CACNB1: variants seen among roughly 807,000 people sequenced by gnomAD.
CACNB1 encodes the protein calcium voltage-gated channel auxiliary subunit beta 1.
In CACNB1, 29 loss-of-function variants were observed where a neutral mutation model predicts 71.6. That is an observed-to-expected ratio of 0.40 (90% CI 0.30 to 0.55). The LOEUF is 0.55. Among genes scored for constraint, CACNB1 ranks in the 20% least tolerant of loss-of-function variants. The pLI is 0.38. For synonymous variants in CACNB1, 300 were observed against 319.6 expected (o/e 0.94, Z 0.65); for missense variants, 623 against 801.8 (o/e 0.78, Z 2.69).
At position 39,186,001 on chromosome 17, in the gene CACNB1, G is replaced by A; in HGVS notation, c.628+495C>T. On this transcript the variant is annotated intron_variant, in intron 6 of 13. Transcript: ENST00000394303. This position sits in a 1 kb window ranked among gnomAD's most constrained non-coding sequence, Gnocchi z 4.1. ...CATGGGGTGGCGGGGTGGTGACACT[G>A]CTAACACTAGTCTTGGCAGAGCCAC... The A allele has an allele frequency of 6.2e-7, 1 of 1,613,772 alleles. No homozygotes were observed. The highest frequency in any genetic ancestry group is 8.5e-7 in the Non-Finnish European group (1 of 1,179,940).
chr17:39,188,422 A>C (rs2144150134), intron 3 of CACNB1, among the ~76,000 whole-genome samples: 1 of 152,246 alleles, frequency 6.6e-6, no homozygotes. Context: ...TAAAAATACA[A>C]AAATTAGCTG....
At chr17:39,184,262 T>C in intron 9 of CACNB1, 63 bp downstream of exon 9, 1 of 1,307,118 alleles carries the variant, frequency 7.7e-7, no homozygotes, top group Non-Finnish European at 1.1e-6. Context: ...ATTCGAGGCA[T>C]CCTGCCCATC....
Position 39,184,789 on chromosome 17 carries a change from A to G in CACNB1, c.724T>C (p.Tyr242His). 1 of 1,607,178 alleles carries G rather than the reference A, an allele frequency of 6.2e-7. No homozygotes were observed. Among genetic ancestry groups the G allele is most frequent in the South Asian group, 1.1e-5 (1 of 90,924 alleles). ...TCCCCTCTAGGAAGTCCTACCTCGT[A>G]GCCCTTGAGCGACGGTCCCACCAGG... ...IILVGPSLKG[Y>H]EVTDMMQKAL... Residue 242 changes from tyrosine to histidine, a missense_variant, in exon 8 of 14, where the codon TAC (tyrosine) becomes CAC (histidine). Coordinates refer to ENST00000394303, the MANE Select transcript of CACNB1 (RefSeq NM_000723.5).
At chr17:39,191,957 C>T (rs1421975682) in intron 2 of CACNB1, 1 of 285,824 alleles carries the variant, frequency 3.5e-6, no homozygotes. Flanking sequence ...CCCCAGCACC[C>T]GCTGAGATAG....
chr17:39,182,960 A>T (rs986249153), intron 11 of CACNB1: 9 of 984,388 alleles, frequency 9.1e-6, no homozygotes, highest in Non-Finnish European at 1.1e-5. Flanking sequence ...TTCTAACTTC[A>T]AATCCTCCAC....
intron 6 of CACNB1, among the ~76,000 whole-genome samples, chr17:39,185,794 G>A (rs1347284039): frequency 6.6e-6 from 1 of 152,114 alleles, no homozygotes; most frequent in Non-Finnish European, 1.5e-5. Context: ...TGTGGAGGGG[G>A]ATGTGCCCAT....
At chr17:39,178,343 C>T (rs2045644335) in intron 11 of CACNB1, 2 of 316,048 alleles carry the variant, frequency 6.3e-6, no homozygotes, top group Admixed American at 9.0e-5. Context: ...TTCTCAACTT[C>T]TCTAACATTG....
Position 39,186,533 on chromosome 17 carries a change from C to T in CACNB1, c.591G>A (p.Val197=). ...GDNSSSSLGD[V]VTGTRRPTPP... ...GTGTGGGGCGGCGGGTGCCAGTCAC[C>T]ACATCTCCCAGACTGGAACTGGAGT... The change falls in exon 6 of 14, where the codon GTG becomes GTA. Residue 197 remains valine, a synonymous_variant. Transcript: ENST00000394303. This position sits in a 1 kb window ranked among gnomAD's most constrained non-coding sequence, Gnocchi z 4.1. 6.2e-7 allele frequency: 1 copy of T among 1,613,664 alleles called. No individual in the cohort carries two copies. The highest frequency in any genetic ancestry group is 8.5e-7 in the Non-Finnish European group (1 of 1,179,802).
At chr17:39,184,960 C>A (rs1213429277) in intron 7 of CACNB1, 96 bp from the exon 8 acceptor site, 53 of 1,051,398 alleles carry the variant, frequency 5.0e-5, no homozygotes, top group Non-Finnish European at 7.8e-5. Context: ...CTTCCCCCAC[C>A]CTGGTCCCAG....
At chr17:39,179,041 C>A (rs570378454) in intron 11 of CACNB1, among the ~76,000 whole-genome samples, 41 of 152,230 alleles carry the variant, frequency 2.7e-4, no homozygotes, top group African/African-American at 6.7e-4. Flanking sequence ...CACCTGTAAT[C>A]CCAGCACTTT....
At chr17:39,195,608 C>A (rs1239030164) in intron 1 of CACNB1, among the ~76,000 whole-genome samples, 1 of 152,178 alleles carries the variant, frequency 6.6e-6, no homozygotes, top group African/African-American at 2.4e-5. Flanking sequence ...AGTAAACATC[C>A]AGCCTGATCC....
In CACNB1 at chr17:39,186,444, C is replaced by T. The variant is rs764079543; in HGVS notation, c.628+52G>A. On this transcript the variant is annotated intron_variant, in intron 6 of 13. Transcript: ENST00000394303. The surrounding 1 kb of genome is among the most constrained non-coding windows in gnomAD (Gnocchi z 4.1). ...AAGGAGGATTCAGGGAGTGGGGAGA[C>T]CACCCCACCCAGGAGCTTCTTCCCA... 1.5e-6 allele frequency: 2 copies of T among 1,372,848 alleles called. No individual in the cohort carries two copies. Among genetic ancestry groups the T allele is most frequent in the Admixed American group, 1.8e-5 (1 of 54,060 alleles). 85.0% of individuals were successfully genotyped at this position (1,372,848 alleles called of 1,614,324 possible).
At chr17:39,190,712 G>A (rs2144161576) in intron 3 of CACNB1, among the ~76,000 whole-genome samples, 1 of 151,978 alleles carries the variant, frequency 6.6e-6, no homozygotes, top group Admixed American at 6.6e-5. Context: ...ACAGGCGTGA[G>A]CCACAGCACC....
At chr17:39,177,938 C>T in intron 12 of CACNB1, 46 bp downstream of exon 12, 2 of 1,470,644 alleles carry the variant, frequency 1.4e-6, no homozygotes, top group East Asian at 2.3e-5. Flanking sequence ...CCAGGACAAC[C>T]CAAATGTTCT....
rs1467781443 is a variant in CACNB1, at chr17:39,187,181, T to A, written c.415-252A>T. 1.5e-5 allele frequency: 9 copies of A among 600,148 alleles called. No individual in the cohort carries two copies. In the East Asian group the frequency reaches 2.5e-4, roughly 17 times the overall value. 37.2% of individuals were successfully genotyped at this position (600,148 alleles called of 1,614,324 possible). A position where few individuals can be genotyped will look rare whatever the true frequency, so the allele number is the denominator to read the frequency against. ...GCAATTCTGAGAGTCCTTCTCCCCA[T>A]GTGCCCACCCTACTCTACAAAGGCC... On this transcript the variant is annotated intron_variant, in intron 4 of 13. Transcript: ENST00000394303.
chr17:39,197,326 C>T lies in CACNB1; in HGVS notation c.84+86G>A, dbSNP rs181756736. 5.6e-3 allele frequency: 4,775 copies of T among 853,140 alleles called. 19 individuals carry two copies. The highest frequency in any genetic ancestry group is 7.2e-3 in the Non-Finnish European group (4,192 of 586,264). 52.8% of individuals were successfully genotyped at this position (853,140 alleles called of 1,614,324 possible). Reference sequence around the variant, plus strand: ...TCTCCTCCGCGCCCGGCATATAACCCCTTCCTCTCCCGCGCCTCTCGAGCC... The same window carrying T: ...TCTCCTCCGCGCCCGGCATATAACCTCTTCCTCTCCCGCGCCTCTCGAGCC... On this transcript the variant is annotated intron_variant, in intron 1 of 13. Coordinates refer to ENST00000394303, the MANE Select transcript of CACNB1 (RefSeq NM_000723.5).
chr17:39,194,378 G>A lies in CACNB1; in HGVS notation c.171+506C>T, dbSNP rs893410630. ...TCATGCCTCAACCACCCCCACCCCC[G>A]TCACCATCACCCTTTCTCTGTGCTT... On this transcript the variant is annotated intron_variant, in intron 2 of 13. Coordinates refer to ENST00000394303, the MANE Select transcript of CACNB1 (RefSeq NM_000723.5). This position sits in a 1 kb window ranked among gnomAD's most constrained non-coding sequence, Gnocchi z 4.6. Among the ~76,000 whole-genome samples the A allele has an allele frequency of 1.3e-4, 19 of 151,058 alleles. No individual in the cohort carries two copies. Among genetic ancestry groups the A allele is most frequent in the Admixed American group, 3.9e-4 (6 of 15,202 alleles).
Position 39,197,657 on chromosome 17 carries a change from C to T in CACNB1, c.-162G>A, listed in dbSNP as rs2046230524. The T allele has an allele frequency of 3.7e-6, 2 of 547,752 alleles. No individual in the cohort carries two copies. The highest frequency in any genetic ancestry group is 8.5e-5 in the Admixed American group (2 of 23,594). 33.9% of individuals were successfully genotyped at this position (547,752 alleles called of 1,614,324 possible). The stretch of plus-strand genomic sequence containing the variant: ...CCTTCCTGCCTTCCCTCGCTCCTCC[C>T]GCTCTCTCCACTGCCGCCGCCGCCT... On this transcript the variant is annotated 5_prime_UTR_variant, in exon 1 of 14. Transcript: ENST00000394303.
chr17:39,186,348 A>G lies in CACNB1; in HGVS notation c.628+148T>C. On this transcript the variant is annotated intron_variant, in intron 6 of 13. Coordinates refer to ENST00000394303, the MANE Select transcript of CACNB1 (RefSeq NM_000723.5). This position sits in a 1 kb window ranked among gnomAD's most constrained non-coding sequence, Gnocchi z 4.1. ...ACAGGCCCAGCTTGAGGGGTAGCCT[A>G]CTCTTCATGGAGGGGGAACCACTGC... 1 of 649,488 alleles carries G rather than the reference A, an allele frequency of 1.5e-6. No homozygotes were observed. The highest frequency in any genetic ancestry group is 2.7e-6 in the Non-Finnish European group (1 of 372,568). The allele number at this position is 649,488 out of a possible 1,614,324, so 40.2% of individuals were successfully genotyped here. A position where few individuals can be genotyped will look rare whatever the true frequency, so the allele number is the denominator to read the frequency against.
Sources: allele counts gnomAD v4.1 joint callset (sites outside exome capture counted in the v4.1 genomes callset), GRCh38; gene constraint gnomAD v4.1.1; non-coding constraint Gnocchi (gnomAD v3.1); transcripts MANE v1.5; gene names NCBI Gene and HGNC (gene_info 2026-07-23, HGNC 2026-07-21).